TIAM1: variants seen among roughly 807,000 people sequenced by gnomAD.
TIAM1 encodes rho guanine nucleotide exchange factor TIAM1.
Under a neutral mutation model 163.5 loss-of-function variants are expected in TIAM1, and 65 were observed. That is an observed-to-expected ratio of 0.40 (90% confidence interval 0.33 to 0.49). TIAM1 has a LOEUF of 0.49. Ranked by LOEUF, TIAM1 falls within the 20% of genes least tolerant of loss-of-function variation. The probability of loss-of-function intolerance (pLI) is 0.77; values close to 1 mark genes in which losing one functional copy is unlikely to be tolerated. For missense variants in TIAM1, 1,789 were observed against 2,044.7 expected, an observed-to-expected ratio of 0.87 and a Z score of 2.41; for synonymous variants, 833 against 810.1, an observed-to-expected ratio of 1.03 and a Z score of -0.48.
At chr21:31,309,837 T>C (rs1000536410) in intron 2 of TIAM1, among the ~76,000 whole-genome samples, 3 of 152,204 alleles carry the variant, frequency 2.0e-5, no homozygotes, top group African/African-American at 7.2e-5. Context: ...CTGAGCTGGA[T>C]ATAAAGACAT....
chr21:31,164,874 G>A (rs2084129424), intron 16 of TIAM1, 88 bp downstream of exon 16: 4 of 1,355,982 alleles, frequency 2.9e-6, no homozygotes, highest in Non-Finnish European at 3.1e-6. Flanking sequence ...GAGAGGCCTG[G>A]TAACCACATA....
At chr21:31,444,418 C>G (rs898731396) in intron 2 of TIAM1, among the ~76,000 whole-genome samples, 4 of 151,070 alleles carry the variant, frequency 2.6e-5, no homozygotes, top group African/African-American at 7.3e-5. Flanking sequence ...GGTGAAATAT[C>G]TAGAATGCCA....
chr21:31,355,522 T>C (rs1197703374), intron 2 of TIAM1, among the ~76,000 whole-genome samples: 1 of 141,912 alleles, frequency 7.0e-6, no homozygotes, highest in African/African-American at 2.6e-5. Flanking sequence ...TATTTTTCTC[T>C]CCTTTATTAT....
intron 14 of TIAM1, among the ~76,000 whole-genome samples, chr21:31,186,738 G>A (rs1020824847): frequency 1.3e-5 from 2 of 151,954 alleles, no homozygotes; most frequent in African/African-American, 4.8e-5. Context: ...CTATGATTGC[G>A]CCACTGGACT....
At chr21:31,501,185 A>G (rs1452967290) in intron 1 of TIAM1, among the ~76,000 whole-genome samples, 2 of 152,240 alleles carry the variant, frequency 1.3e-5, no homozygotes, top group Non-Finnish European at 2.9e-5. Context: ...GGACCTTCAG[A>G]TGCAGTCCAG....
intron 16 of TIAM1, among the ~76,000 whole-genome samples, chr21:31,159,836 C>T (rs2083817429): frequency 6.6e-6 from 1 of 152,256 alleles, no homozygotes; most frequent in East Asian, 1.9e-4. Context: ...CCCCACTACA[C>T]TTCCTCATTG....
intron 1 of TIAM1, among the ~76,000 whole-genome samples, chr21:31,544,409 G>A (rs576264493): frequency 1.2e-4 from 7 of 58,048 alleles, no homozygotes; most frequent in Admixed American, 5.8e-4. Context: ...TGGAAACCTC[G>A]AAATGACGAA....
intron 1 of TIAM1, among the ~76,000 whole-genome samples, chr21:31,527,014 C>T (rs1055442934): frequency 2.6e-5 from 4 of 152,074 alleles, no homozygotes; most frequent in African/African-American, 9.7e-5. Flanking sequence ...AAGCTGTATA[C>T]TCTTTCCTGA....
chr21:31,486,850 C>T (rs919487241), intron 1 of TIAM1, among the ~76,000 whole-genome samples: 3 of 152,224 alleles, frequency 2.0e-5, no homozygotes, highest in Non-Finnish European at 2.9e-5. Flanking sequence ...GCATGTCACA[C>T]GAGGGAGCAC....
chr21:31,156,468 A>T (rs1200939125), intron 16 of TIAM1, among the ~76,000 whole-genome samples: 1 of 152,212 alleles, frequency 6.6e-6, no homozygotes, highest in Non-Finnish European at 1.5e-5. Context: ...TTATATCTCA[A>T]CAAGGCTGTT....
intron 4 of TIAM1, among the ~76,000 whole-genome samples, chr21:31,260,783 A>C (rs2072425701): frequency 6.6e-6 from 1 of 151,996 alleles, no homozygotes; most frequent in African/African-American, 2.4e-5. Flanking sequence ...ACATGAAAAA[A>C]TTTGTTTTAT....
At chr21:31,148,969 TTTTG>T (rs1280193316) in intron 19 of TIAM1, among the ~76,000 whole-genome samples, 4 of 26,712 alleles carry the variant, frequency 1.5e-4, no homozygotes. Flanking sequence ...TTTCTTTTTT[TTTTG>T]GTCAAATATA....
chr21:31,161,196 AAATTATTCT>A (rs2083905582), intron 16 of TIAM1, among the ~76,000 whole-genome samples: 1 of 152,226 alleles, frequency 6.6e-6, no homozygotes, highest in South Asian at 2.1e-4. Flanking sequence ...AATGTCCTGA[AAATTATTCT>A]AATACATTTG....
At chr21:31,325,486 G>A (rs1023421691) in intron 2 of TIAM1, among the ~76,000 whole-genome samples, 2 of 151,872 alleles carry the variant, frequency 1.3e-5, no homozygotes, top group Non-Finnish European at 2.9e-5. Flanking sequence ...TGGCCAACAC[G>A]GCAAAACCCT....
Position 31,146,986 on chromosome 21 carries a change from C to T in TIAM1, c.3384G>A (p.Leu1128=). 6.2e-7 allele frequency: 1 copy of T among 1,613,904 alleles called. No individual in the cohort carries two copies. Among genetic ancestry groups the T allele is most frequent in the Non-Finnish European group, 8.5e-7 (1 of 1,179,842 alleles). ...CAGCATAATACAGGAATGATCCCCC[C>T]AGAGAGAACAGCACTTTCTGGATTT... The part of the protein sequence containing the change: ...VDQFKKVLFS[L]GGSFLYYADR... The change falls in exon 20 of 28, where the codon CTG becomes CTA. Residue 1128 remains leucine (L), a synonymous_variant. Coordinates refer to ENST00000541036, the MANE Select transcript of TIAM1 (RefSeq NM_001353694.2).
At chr21:31,392,441 G>A (rs1333264914) in intron 2 of TIAM1, among the ~76,000 whole-genome samples, 2 of 151,916 alleles carry the variant, frequency 1.3e-5, no homozygotes, top group African/African-American at 4.8e-5. Flanking sequence ...ATGGTGGCAG[G>A]CGCCTGTAAT....
At chr21:31,268,818 T>C (rs1006825844) in intron 3 of TIAM1, among the ~76,000 whole-genome samples, 2 of 152,236 alleles carry the variant, frequency 1.3e-5, no homozygotes, top group Non-Finnish European at 2.9e-5. Flanking sequence ...TAAATAAATA[T>C]GCATTTCAAT....
chr21:31,251,108 T>C (rs565275543), intron 5 of TIAM1, among the ~76,000 whole-genome samples: 1 of 152,290 alleles, frequency 6.6e-6, no homozygotes, highest in East Asian at 1.9e-4. Context: ...TAAATTTCCC[T>C]CCAAAATAGT....
intron 1 of TIAM1, among the ~76,000 whole-genome samples, chr21:31,514,698 A>C (rs1021065273): frequency 5.3e-5 from 8 of 152,178 alleles, no homozygotes; most frequent in Admixed American, 2.0e-4. Context: ...TATCTCAAAA[A>C]AAAAATATTG....
Sources: gnomAD v4.1 joint callset for allele counts (sites outside exome capture counted in the v4.1 genomes callset) on GRCh38, gnomAD v4.1.1 for gene constraint, MANE v1.5 for transcripts, NCBI Gene and HGNC (gene_info 2026-07-23, HGNC 2026-07-21) for gene names.